Variants in ZNF74 observed in about 807,000 individuals in gnomAD.
The protein encoded by ZNF74 is zinc finger protein 74.
A neutral mutation model predicts 17.7 loss-of-function variants in ZNF74; 12 were observed. The observed-to-expected ratio is 0.68, with a 90% CI of 0.43 to 1.10. The LOEUF (loss-of-function observed/expected upper bound fraction) is 1.10, where lower values mean the gene tolerates loss of function less well. Ranked by LOEUF, ZNF74 falls within the 50% of genes least tolerant of loss-of-function variation. The pLI, the probability that ZNF74 is intolerant of heterozygous loss-of-function variation, is 0.00. For synonymous variants in ZNF74, 358 were observed against 362.1 expected, an observed-to-expected ratio of 0.99 and a Z score of 0.13; for missense variants, 811 against 881.0, an observed-to-expected ratio of 0.92 and a Z score of 1.01.
At position 20,401,270 on chromosome 22, in the gene ZNF74, C is replaced by T. The variant is rs765326648; in HGVS notation, c.248-7C>T. On this transcript the variant is annotated splice_polypyrimidine_tract_variant and splice_region_variant and intron_variant, in intron 3 of 4. Coordinates refer to ENST00000400451, the MANE Select transcript of ZNF74 (RefSeq NM_003426.4). This position sits in a 1 kb window ranked among gnomAD's most constrained non-coding sequence, Gnocchi z 4.2. ...GCATGCCCAGCCCACTTTCTCTCCA[C>T]GAGCAGGACCTCCACTGCACAAGCC... The T allele has an allele frequency of 2.1e-5, 33 of 1,602,800 alleles. No individual in the cohort carries two copies. Among genetic ancestry groups the T allele is most frequent in the East Asian group, 1.6e-4 (7 of 44,538 alleles).
intron 2 of ZNF74, among the ~76,000 whole-genome samples, chr22:20,396,401 A>C (rs979045553): frequency 6.6e-6 from 1 of 152,116 alleles, no homozygotes; most frequent in Non-Finnish European, 1.5e-5. Context: ...GGACAAGAGG[A>C]AATTTGAAAA....
In ZNF74 at chr22:20,405,941, C is replaced by T; in HGVS notation, c.908C>T (p.Pro303Leu). The T allele has an allele frequency of 6.2e-7, 1 of 1,613,568 alleles. No homozygotes were observed. ...EHRRIHTGEK[P>L]FFCGECGKAF... The stretch of plus-strand genomic sequence containing the variant: ...CGGCGCATCCACACCGGCGAGAAGC[C>T]CTTCTTCTGCGGCGAGTGCGGGAAG... Residue 303 changes from proline to leucine, a missense_variant, in exon 5 of 5, where the codon CCC becomes CTC. Coordinates refer to ENST00000400451, the MANE Select transcript of ZNF74 (RefSeq NM_003426.4).
chr22:20,403,912 C>T (rs555631663), intron 4 of ZNF74, among the ~76,000 whole-genome samples: 70 of 152,214 alleles, frequency 4.6e-4, no homozygotes, highest in Admixed American at 2.5e-3. Context: ...CACCTCTCAG[C>T]CTTCCTGCCT....
Position 20,400,843 on chromosome 22 carries a change from G to A in ZNF74, c.247+85G>A, listed in dbSNP as rs866777300. The A allele has an allele frequency of 3.0e-5, 44 of 1,490,682 alleles. 1 individual carries two copies. Among genetic ancestry groups the A allele is most frequent in the Middle Eastern group, 1.8e-4 (1 of 5,612 alleles). The allele number at this position is 1,490,682 out of a possible 1,614,324, so 92.3% of individuals were successfully genotyped here. A position where few individuals can be genotyped will look rare whatever the true frequency, so the allele number is the denominator to read the frequency against. On this transcript the variant is annotated intron_variant, in intron 3 of 4. Coordinates refer to ENST00000400451, the MANE Select transcript of ZNF74 (RefSeq NM_003426.4). The stretch of plus-strand genomic sequence containing the variant: ...TATTAAGGAGAATCCCTTCAGTGCC[G>A]GCCCTGGTGCCAGATATATCATGGG...
At chr22:20,397,093 T>C (rs1232914339) in intron 2 of ZNF74, among the ~76,000 whole-genome samples, 1 of 151,920 alleles carries the variant, frequency 6.6e-6, no homozygotes, top group African/African-American at 2.4e-5. Context: ...TTTTTTTTTT[T>C]TGAGACAGAG....
intron 2 of ZNF74, among the ~76,000 whole-genome samples, chr22:20,398,229 A>C (rs539589379): frequency 2.2e-4 from 33 of 151,704 alleles, no homozygotes; most frequent in African/African-American, 8.0e-4. Flanking sequence ...AGGCAGGAGA[A>C]TCTCTTGAAC....
chr22:20,395,082 A>G (rs1010300576), intron 1 of ZNF74: 51 of 468,150 alleles, frequency 1.1e-4, no homozygotes, highest in Middle Eastern at 5.6e-4. Flanking sequence ...GCGCCCAATC[A>G]TTTGTTCCCA....
At chr22:20,396,281 TC>T (rs1902467598) in intron 2 of ZNF74, among the ~76,000 whole-genome samples, 3 of 152,050 alleles carry the variant, frequency 2.0e-5, no homozygotes, top group Admixed American at 2.0e-4. Flanking sequence ...GTGCCTCACT[TC>T]TGTAGTGTGT....
chr22:20,404,833 G>A (rs893959566), intron 4 of ZNF74, among the ~76,000 whole-genome samples: 16 of 152,146 alleles, frequency 1.1e-4, no homozygotes, highest in Admixed American at 7.2e-4. Context: ...CTAGCTACTC[G>A]GGAGGCTGAG....
rs362022 is a variant in ZNF74, at chr22:20,398,316, CAAA to C, written c.121-2294_121-2292del. On this transcript the variant is annotated intron_variant, in intron 2 of 4. Coordinates refer to ENST00000400451, the MANE Select transcript of ZNF74 (RefSeq NM_003426.4). ...TGGGTGACAGAGTGAGACCATGTCT[CAAA>C]AAAAAAAAAAAAAAAAAAAAACCTC... 2.3e-5 allele frequency among the ~76,000 whole-genome samples: 3 copies of C among 128,150 alleles called. No homozygotes were observed. In the East Asian group the frequency reaches 6.1e-4, roughly 26 times the overall value. 84.1% of individuals were successfully genotyped at this position (128,150 alleles called of 152,430 possible). A position where few individuals can be genotyped will look rare whatever the true frequency, so the allele number is the denominator to read the frequency against.
rs147526873 is a variant in ZNF74, at chr22:20,406,743, C to T, written c.1710C>T (p.His570=). Residue 570 remains histidine (H), a synonymous_variant, in exon 5 of 5, where the codon CAC becomes CAT. Transcript: ENST00000400451. Reference sequence around the variant, plus strand: ...GGGAGATGTTCAACTGGAGCTCGCACCTCACTGAGCACCAGAGGCTGCACA... The same window carrying T: ...GGGAGATGTTCAACTGGAGCTCGCATCTCACTGAGCACCAGAGGCTGCACA... ...KCGEMFNWSS[H]LTEHQRLHSE... is the part of the protein sequence containing the mutation. The T allele has an allele frequency of 1.7e-5, 27 of 1,614,162 alleles. No individual in the cohort carries two copies. The African/African-American group carries it at 2.4e-4, about 14-fold the overall frequency.
In ZNF74 at chr22:20,406,521, C is replaced by T; in HGVS notation, c.1488C>T (p.Gly496=). ...TCGTGCACCGGCGCATCCACACAGG[C>T]GAGAAGCCCTTCGACTGCAGCCAGT... ...YLIVHRRIHT[G]EKPFDCSQCW... Residue 496 remains glycine (G), a synonymous_variant, in exon 5 of 5, where the codon GGC becomes GGT. Coordinates refer to ENST00000400451, the MANE Select transcript of ZNF74 (RefSeq NM_003426.4). The T allele has an allele frequency of 1.2e-6, 2 of 1,614,020 alleles. No individual in the cohort carries two copies. The highest frequency in any genetic ancestry group is 2.2e-5 in the East Asian group (1 of 44,876).
At chr22:20,400,453 C>G (rs559757015) in intron 2 of ZNF74, 179 bp from the exon 3 acceptor site, 12 of 661,726 alleles carry the variant, frequency 1.8e-5, no homozygotes, top group South Asian at 1.2e-4. Context: ...TCCCAGCCCC[C>G]CTCCCTGCCC....
chr22:20,406,155 C>G lies in ZNF74; in HGVS notation c.1122C>G (p.His374Gln), dbSNP rs760387293. 3.1e-6 allele frequency: 5 copies of G among 1,611,984 alleles called. 1 individual carries two copies. The East Asian group carries it at 1.1e-4, about 36-fold the overall frequency. Residue 374 changes from histidine (H) to glutamine (Q), a missense_variant, in exon 5 of 5, where the codon CAC (histidine) becomes CAG (glutamine). Transcript: ENST00000400451. ...ECGKAFNQRTHLTRHHRIHTG... is the reference protein window; with the variant it reads ...ECGKAFNQRTQLTRHHRIHTG... ...GCAAGGCCTTCAACCAGCGTACACACCTCACACGCCACCACCGCATCCACA... is the reference window on the plus strand; with the variant it reads ...GCAAGGCCTTCAACCAGCGTACACAGCTCACACGCCACCACCGCATCCACA...
At chr22:20,400,507 T>A in intron 2 of ZNF74, 125 bp from the exon 3 acceptor site, 5 of 1,155,512 alleles carry the variant, frequency 4.3e-6, no homozygotes, top group East Asian at 5.0e-5. Flanking sequence ...CAGCACAACC[T>A]TCTGGCATGG....
At chr22:20,402,845 AC>A (rs2052374463) in intron 4 of ZNF74, among the ~76,000 whole-genome samples, 2 of 144,644 alleles carry the variant, frequency 1.4e-5, no homozygotes, top group African/African-American at 2.6e-5. Flanking sequence ...GGTGGTGAGC[AC>A]CTGTAATCCC....
At chr22:20,399,543 A>G (rs1230827179) in intron 2 of ZNF74, 3 of 389,316 alleles carry the variant, frequency 7.7e-6, no homozygotes, top group Non-Finnish European at 1.5e-5. Flanking sequence ...ATTTAGTGTA[A>G]TTATTAATAT....
chr22:20,400,512 G>T lies in ZNF74; in HGVS notation c.121-120G>T, dbSNP rs551794119. 9.5e-5 allele frequency: 117 copies of T among 1,231,508 alleles called. No homozygotes were observed. The Middle Eastern group carries it at 1.7e-3, about 18-fold the overall frequency. 76.3% of individuals were successfully genotyped at this position (1,231,508 alleles called of 1,614,324 possible). On this transcript the variant is annotated intron_variant, in intron 2 of 4. Coordinates refer to ENST00000400451, the MANE Select transcript of ZNF74 (RefSeq NM_003426.4). ...TCAGTGTCTACAGCACAACCTTCTG[G>T]CATGGGAGAAGGTCACCTGAGGTTA...
rs567182791 is a variant in ZNF74 at position 20,401,976 on chromosome 22, G to T, written c.343+604G>T. On this transcript the variant is annotated intron_variant, in intron 4 of 4. Transcript: ENST00000400451. This position sits in a 1 kb window ranked among gnomAD's most constrained non-coding sequence, Gnocchi z 4.2. ...TGGCAGCCCTCCGTAAGGGAAAGGG[G>T]ACTGGGGTGGGTGTTGAGCAGAAGG... 3.3e-5 allele frequency among the ~76,000 whole-genome samples: 5 copies of T among 152,334 alleles called. No homozygotes were observed. In the East Asian group the frequency reaches 5.8e-4, roughly 18 times the overall value.
Sources: allele counts gnomAD v4.1 joint callset (sites outside exome capture counted in the v4.1 genomes callset), GRCh38; gene constraint gnomAD v4.1.1; non-coding constraint Gnocchi (gnomAD v3.1); transcripts MANE v1.5; gene names NCBI Gene and HGNC (gene_info 2026-07-23, HGNC 2026-07-21).